Variants in ARHGEF26 observed in about 807,000 individuals in gnomAD.
The protein encoded by ARHGEF26 is Rho guanine nucleotide exchange factor 26.
In ARHGEF26, 59 loss-of-function variants were observed where a neutral mutation model predicts 89.4. The ratio of observed to expected loss-of-function variants is 0.66; its 90% confidence interval spans 0.54 to 0.82. The LOEUF (loss-of-function observed/expected upper bound fraction) is 0.82, where lower values mean the gene tolerates loss of function less well. ARHGEF26 is among the 40% of genes least tolerant of loss of function. The pLI is 0.00. For synonymous variants in ARHGEF26, 500 were observed against 428.4 expected (o/e 1.17, Z -2.06); for missense variants, 1,234 against 1,085.6 (o/e 1.14, Z -1.92).
intron 9 of ARHGEF26, among the ~76,000 whole-genome samples, chr3:154,206,287 T>C (rs1011563280): frequency 6.6e-6 from 1 of 152,230 alleles, no homozygotes; most frequent in African/African-American, 2.4e-5. Flanking sequence ...ATGTTATTTG[T>C]CTCTTTTCTC....
intron 6 of ARHGEF26, among the ~76,000 whole-genome samples, chr3:154,177,439 G>C (rs1346618209): frequency 1.3e-5 from 2 of 152,208 alleles, no homozygotes; most frequent in African/African-American, 2.4e-5. Context: ...GATAAGAGTT[G>C]TGATGTGTTA....
chr3:154,197,266 GAT>G (rs1444047326), intron 9 of ARHGEF26, among the ~76,000 whole-genome samples: 9 of 152,266 alleles, frequency 5.9e-5, no homozygotes, highest in African/African-American at 2.2e-4. Flanking sequence ...TGAAATCGTT[GAT>G]ATAGTCAGCT....
intron 6 of ARHGEF26, among the ~76,000 whole-genome samples, chr3:154,184,117 C>T (rs1211574750): frequency 6.6e-6 from 1 of 152,084 alleles, no homozygotes; most frequent in Middle Eastern, 3.4e-3. Context: ...GGACTACAGG[C>T]GTCTGCCACC....
chr3:154,226,696 C>CACACACACACACA (rs3223632), intron 11 of ARHGEF26, among the ~76,000 whole-genome samples: 1 of 145,588 alleles, frequency 6.9e-6, no homozygotes. Flanking sequence ...CACACACACA[C>CACACACACACACA]CCCTTCAGCT....
chr3:154,133,124 A>T (rs1202551625), intron 4 of ARHGEF26, among the ~76,000 whole-genome samples: 1 of 152,178 alleles, frequency 6.6e-6, no homozygotes, highest in Admixed American at 6.5e-5. Context: ...TATGCTGAAT[A>T]CTTTTGAAGT....
intron 11 of ARHGEF26, among the ~76,000 whole-genome samples, chr3:154,226,697 C>CACACACACACACACACA (rs1559912631): frequency 9.0e-4 from 108 of 119,874 alleles, no homozygotes; most frequent in African/African-American, 2.8e-3. Flanking sequence ...ACACACACAC[C>CACACACACACACACACA]CCTTCAGCTC....
Position 154,229,000 on chromosome 3 carries a change from CTCTTCCT to C in ARHGEF26, c.2090+2991_2090+2997del, listed in dbSNP as rs767908835. The stretch of plus-strand genomic sequence containing the variant: ...GAAAAGCTGCTCGGGAGGACAGTTA[CTCTTCCT>C]CCTCCGATCCAGACTGGCAGAAGGT... On this transcript the variant is annotated intron_variant, in intron 11 of 14. Transcript: ENST00000465093. Among the ~76,000 whole-genome samples the C allele has an allele frequency of 5.6e-4, 85 of 152,252 alleles. 1 individual carries two copies. Among genetic ancestry groups the C allele is most frequent in the Admixed American group, 3.3e-3 (51 of 15,294 alleles).
intron 6 of ARHGEF26, among the ~76,000 whole-genome samples, chr3:154,159,920 C>G (rs1308248291): frequency 6.6e-6 from 1 of 151,876 alleles, no homozygotes; most frequent in Non-Finnish European, 1.5e-5. Context: ...TAATTTTTGC[C>G]CTGAAGTAAT....
intron 6 of ARHGEF26, among the ~76,000 whole-genome samples, chr3:154,182,132 A>G (rs1475764070): frequency 6.6e-6 from 1 of 151,906 alleles, no homozygotes; most frequent in African/African-American, 2.4e-5. Flanking sequence ...ACATGGCCCC[A>G]TCCTCTAAAC....
At chr3:154,177,987 C>T (rs1225568783) in intron 6 of ARHGEF26, among the ~76,000 whole-genome samples, 2 of 152,080 alleles carry the variant, frequency 1.3e-5, no homozygotes, top group Admixed American at 6.6e-5. Context: ...AGGCAGATCA[C>T]GAGATGTGGA....
chr3:154,126,884 C>T (rs1338831064), intron 3 of ARHGEF26, among the ~76,000 whole-genome samples: 1 of 152,094 alleles, frequency 6.6e-6, no homozygotes, highest in African/African-American at 2.4e-5. Flanking sequence ...TTAAACAAAC[C>T]AGATGGTATA....
At position 154,255,349 on chromosome 3, in the gene ARHGEF26, G is replaced by A. The variant is rs766480661; in HGVS notation, c.2492G>A (p.Arg831Gln). 3.7e-6 allele frequency: 6 copies of A among 1,613,328 alleles called. No individual in the cohort carries two copies. The highest frequency in any genetic ancestry group is 1.7e-4 in the Middle Eastern group (1 of 6,060). Residue 831 changes from arginine to glutamine, a missense_variant, in exon 15 of 15, where the codon CGA (arginine) becomes CAA (glutamine). Physicochemically the swap from Arg to Gln is conservative, Grantham distance 43 (BLOSUM62 1). Coordinates refer to ENST00000465093, the MANE Select transcript of ARHGEF26 (RefSeq NM_015595.4). The stretch of plus-strand genomic sequence containing the variant: ...TTCACAGGCTGGTATGAGGGGGAAC[G>A]ACTACGAGATGGAGAAAGAGGCTGG... ...RVSDGWYEGE[R>Q]LRDGERGWFP...
chr3:154,224,839 A>G (rs1014058971), intron 10 of ARHGEF26, among the ~76,000 whole-genome samples: 2 of 152,206 alleles, frequency 1.3e-5, no homozygotes, highest in African/African-American at 4.8e-5. Flanking sequence ...AGCTCTTTAT[A>G]AAGTTTAAAA....
In ARHGEF26 at chr3:154,249,509, G is replaced by A. The variant is rs112157696; in HGVS notation, c.2301-3607G>A. ...AAAAGAGTCTCTTTTCAATTTAGTCGTCTTTCTCTACGTAGGTCAAATGTT... is the reference window on the plus strand; with the variant it reads ...AAAAGAGTCTCTTTTCAATTTAGTCATCTTTCTCTACGTAGGTCAAATGTT... On this transcript the variant is annotated intron_variant, in intron 12 of 14. Coordinates refer to ENST00000465093, the MANE Select transcript of ARHGEF26 (RefSeq NM_015595.4). 1.7e-3 allele frequency among the ~76,000 whole-genome samples: 258 copies of A among 152,300 alleles called. 2 individuals are homozygous for A. Among genetic ancestry groups the A allele is most frequent in the African/African-American group, 6.0e-3 (248 of 41,556 alleles).
intron 9 of ARHGEF26, among the ~76,000 whole-genome samples, chr3:154,196,953 CCTGGAATGT>C (rs1714329806): frequency 2.0e-5 from 3 of 151,688 alleles, no homozygotes; most frequent in African/African-American, 7.3e-5. Flanking sequence ...TTGAATTAAA[CCTGGAATGT>C]TACTTAATTT....
chr3:154,206,965 A>G (rs1450319786), intron 9 of ARHGEF26, among the ~76,000 whole-genome samples: 1 of 152,182 alleles, frequency 6.6e-6, no homozygotes. Context: ...CCATACACCT[A>G]CAATCATCTG....
At position 154,122,463 on chromosome 3, in the gene ARHGEF26, C is replaced by T. The variant is rs772271519; in HGVS notation, c.471C>T (p.Thr157=). Residue 157 remains threonine (T), a synonymous_variant, in exon 2 of 15, where the codon ACC becomes ACT. Coordinates refer to ENST00000465093, the MANE Select transcript of ARHGEF26 (RefSeq NM_015595.4). ...PRTPNAPAPC[T]PEEDLTGLTA... The stretch of plus-strand genomic sequence containing the variant: ...CTCCTAACGCGCCCGCCCCCTGCAC[C>T]CCCGAGGAGGACCTTACTGGGTTGA... The T allele has an allele frequency of 2.5e-6, 4 of 1,612,226 alleles. No homozygotes were observed. Among genetic ancestry groups the T allele is most frequent in the East Asian group, 2.2e-5 (1 of 44,856 alleles).
intron 4 of ARHGEF26, among the ~76,000 whole-genome samples, chr3:154,133,037 A>G (rs1363801313): frequency 6.6e-6 from 1 of 152,054 alleles, no homozygotes; most frequent in African/African-American, 2.4e-5. Flanking sequence ...TATTTTCTAA[A>G]AAATCTTTTT....
chr3:154,179,430 G>T (rs927543256), intron 6 of ARHGEF26, among the ~76,000 whole-genome samples: 1 of 152,194 alleles, frequency 6.6e-6, no homozygotes. Flanking sequence ...TGCTGGAAAG[G>T]AAGGTGGTTT....
Sources: gnomAD v4.1 joint callset for allele counts (sites outside exome capture counted in the v4.1 genomes callset) on GRCh38, gnomAD v4.1.1 for gene constraint, MANE v1.5 for transcripts, NCBI Gene and HGNC (gene_info 2026-07-23, HGNC 2026-07-21) for gene names.